Variants in SYNGR1 observed in about 807,000 individuals in gnomAD.
The protein encoded by SYNGR1 is synaptogyrin-1.
A neutral mutation model predicts 26.1 loss-of-function variants in SYNGR1; 14 were observed. The ratio of observed to expected loss-of-function variants is 0.54; its 90% confidence interval spans 0.35 to 0.84. SYNGR1 has a LOEUF of 0.84. Ranked by LOEUF, SYNGR1 falls within the 40% of genes least tolerant of loss-of-function variation. The pLI is 0.01. For synonymous variants in SYNGR1, 141 were observed against 150.1 expected (o/e 0.94, Z 0.44); for missense variants, 319 against 332.9 (o/e 0.96, Z 0.33).
chr22:39,361,549 T>TG lies in SYNGR1; in HGVS notation c.99+11443dup, dbSNP rs544178121. ...ATTTTTTTTGTATTTTTAGTAGAGA[T>TG]GGGTCTCACCATGTTGGCCAGGCTG... On this transcript the variant is annotated intron_variant, in intron 1 of 3. Transcript: ENST00000328933. 2.2e-3 allele frequency among the ~76,000 whole-genome samples: 327 copies of TG among 151,742 alleles called. 2 individuals carry two copies. The highest frequency in any genetic ancestry group is 7.6e-3 in the African/African-American group (316 of 41,362).
intron 1 of SYNGR1, among the ~76,000 whole-genome samples, chr22:39,356,213 C>A (rs1256845714): frequency 2.9e-5 from 2 of 68,888 alleles, no homozygotes; most frequent in Non-Finnish European, 5.7e-5. Context: ...CGCCACCACA[C>A]CCGGCTAATT....
At chr22:39,379,406 G>T (rs558590244) in intron 3 of SYNGR1, among the ~76,000 whole-genome samples, 2 of 152,318 alleles carry the variant, frequency 1.3e-5, no homozygotes, top group African/African-American at 2.4e-5. Flanking sequence ...GGCCAAGGCA[G>T]GCGGATCACC....
At chr22:39,356,909 C>T (rs1441799385) in intron 1 of SYNGR1, among the ~76,000 whole-genome samples, 1 of 152,196 alleles carries the variant, frequency 6.6e-6, no homozygotes, top group African/African-American at 2.4e-5. Flanking sequence ...AAGAACCCCA[C>T]TCTTGCTCCT....
At chr22:39,358,732 A>C (rs1394740725) in intron 1 of SYNGR1, among the ~76,000 whole-genome samples, 1 of 152,158 alleles carries the variant, frequency 6.6e-6, no homozygotes, top group African/African-American at 2.4e-5. Context: ...ACTCACCGAG[A>C]GGGTCCGCGG....
At chr22:39,357,918 C>G (rs1263130336) in intron 1 of SYNGR1, among the ~76,000 whole-genome samples, 1 of 152,248 alleles carries the variant, frequency 6.6e-6, no homozygotes, top group East Asian at 1.9e-4. Flanking sequence ...CGAGCCTCCC[C>G]GATGAGCACC....
At chr22:39,367,818 G>C (rs1196731537) in intron 1 of SYNGR1, among the ~76,000 whole-genome samples, 2 of 131,316 alleles carry the variant, frequency 1.5e-5, no homozygotes, top group African/African-American at 6.1e-5. Flanking sequence ...GCGAGACCCT[G>C]TCTCAAAAAA....
At chr22:39,351,931 A>AG (rs1294090441) in intron 1 of SYNGR1, among the ~76,000 whole-genome samples, 1 of 152,208 alleles carries the variant, frequency 6.6e-6, no homozygotes, top group Non-Finnish European at 1.5e-5. Context: ...ATGCACATCC[A>AG]GGGGAGAGGA....
At chr22:39,375,707 G>T in intron 2 of SYNGR1, 1 of 590,050 alleles carries the variant, frequency 1.7e-6, no homozygotes, top group Non-Finnish European at 3.0e-6. Flanking sequence ...TGGGGGTTTG[G>T]CAGAGGCTGC....
At chr22:39,377,257 C>T in intron 3 of SYNGR1, 1 of 985,414 alleles carries the variant, frequency 1.0e-6, no homozygotes, top group Non-Finnish European at 1.2e-6. Context: ...CCCATCTCCC[C>T]AACAATATTA....
intron 1 of SYNGR1, among the ~76,000 whole-genome samples, chr22:39,367,075 C>T (rs1056175950): frequency 5.3e-5 from 8 of 152,224 alleles, no homozygotes; most frequent in East Asian, 1.9e-4. Context: ...GCTCAAAGGT[C>T]GCTGCATCAG....
intron 1 of SYNGR1, among the ~76,000 whole-genome samples, chr22:39,355,069 C>G (rs1231290239): frequency 6.6e-6 from 1 of 152,142 alleles, no homozygotes; most frequent in East Asian, 1.9e-4. Context: ...GCTGAGTGCT[C>G]AGTGCCACCC....
chr22:39,367,817 T>C (rs536219915), intron 1 of SYNGR1, among the ~76,000 whole-genome samples: 79 of 139,028 alleles, frequency 5.7e-4, no homozygotes, highest in African/African-American at 2.1e-3. Context: ...AGCGAGACCC[T>C]GTCTCAAAAA....
chr22:39,374,682 G>A (rs1478830771), intron 2 of SYNGR1, 129 bp downstream of exon 2: 1 of 1,002,616 alleles, frequency 1.0e-6, no homozygotes. Flanking sequence ...TGAAGGGATG[G>A]ACTCAGGGTC....
Position 39,381,866 on chromosome 22 carries a change from C to T in SYNGR1, c.654C>T (p.Ala218=), listed in dbSNP as rs760750132. 1 of 1,612,920 alleles carries T rather than the reference C, an allele frequency of 6.2e-7. No homozygotes were observed. Among genetic ancestry groups the T allele is most frequent in the Admixed American group, 1.7e-5 (1 of 60,002 alleles). The change falls in exon 4 of 4, where the codon GCC becomes GCT. Residue 218 remains alanine (A), a synonymous_variant. Coordinates refer to ENST00000328933, the MANE Select transcript of SYNGR1 (RefSeq NM_004711.5). ...AGMGGTYQQP[A]NTFDTEPQGY... ...TGGGCGGCACCTACCAGCAGCCGGC[C>T]AACACCTTCGACACCGAGCCCCAGG...
At chr22:39,352,474 C>A (rs1923949816) in intron 1 of SYNGR1, among the ~76,000 whole-genome samples, 1 of 152,294 alleles carries the variant, frequency 6.6e-6, no homozygotes, top group Admixed American at 6.5e-5. Flanking sequence ...TGTGTTTTAC[C>A]ACAACAGAAA....
At chr22:39,355,938 A>G (rs1427597194) in intron 1 of SYNGR1, among the ~76,000 whole-genome samples, 1 of 152,154 alleles carries the variant, frequency 6.6e-6, no homozygotes, top group Non-Finnish European at 1.5e-5. Flanking sequence ...AGTATCGCTT[A>G]AGCCCGAGAG....
At chr22:39,353,367 C>T (rs1601647714) in intron 1 of SYNGR1, among the ~76,000 whole-genome samples, 2 of 151,564 alleles carry the variant, frequency 1.3e-5, no homozygotes, top group Admixed American at 1.3e-4. Flanking sequence ...TTTTTAGAGA[C>T]AGGATCTTGC....
At chr22:39,378,048 A>G in intron 3 of SYNGR1, 2 of 1,191,210 alleles carry the variant, frequency 1.7e-6, no homozygotes, top group Non-Finnish European at 2.1e-6. Context: ...TAGCGGCCCC[A>G]TACATGGGCT....
chr22:39,364,337 C>A, intron 1 of SYNGR1: 1 of 1,613,714 alleles, frequency 6.2e-7, no homozygotes, highest in Admixed American at 1.7e-5. Flanking sequence ...GAGGCAGGGC[C>A]TCTCTGAGCC....
Sources: allele counts gnomAD v4.1 joint callset (sites outside exome capture counted in the v4.1 genomes callset), GRCh38; gene constraint gnomAD v4.1.1; transcripts MANE v1.5; gene names NCBI Gene and HGNC (gene_info 2026-07-23, HGNC 2026-07-21).